The following ZFYVE1 variants were observed in gnomAD, a reference collection of about 807,000 sequenced individuals.
The protein encoded by ZFYVE1 is zinc finger FYVE domain-containing protein 1.
A neutral mutation model predicts 74.4 loss-of-function variants in ZFYVE1; 30 were observed. The ratio of observed to expected loss-of-function variants is 0.40; its 90% CI spans 0.30 to 0.55. ZFYVE1 has a LOEUF of 0.55. ZFYVE1 is among the 20% of genes least tolerant of loss of function. The pLI is 0.42. For synonymous variants in ZFYVE1, 335 were observed against 385.1 expected, an observed-to-expected ratio of 0.87 and a Z score of 1.52; for missense variants, 703 against 1,011.6, an observed-to-expected ratio of 0.69 and a Z score of 4.14.
At chr14:73,022,490 T>C (rs1304389278) in intron 2 of ZFYVE1, among the ~76,000 whole-genome samples, 1 of 152,152 alleles carries the variant, frequency 6.6e-6, no homozygotes, top group African/African-American at 2.4e-5. Context: ...TACAACAAAC[T>C]GGTACTGGAT....
At chr14:73,007,380 T>A (rs1443485989) in intron 2 of ZFYVE1, among the ~76,000 whole-genome samples, 1 of 152,052 alleles carries the variant, frequency 6.6e-6, no homozygotes, top group Admixed American at 6.6e-5. Flanking sequence ...ACTACAATCA[T>A]ACATTACTCC....
chr14:73,018,796 T>C lies in ZFYVE1; in HGVS notation c.483+5230A>G, dbSNP rs546493057. 4.6e-5 allele frequency among the ~76,000 whole-genome samples: 7 copies of C among 151,946 alleles called. No individual in the cohort carries two copies. In the East Asian group the frequency reaches 1.4e-3, roughly 30 times the overall value. On this transcript the variant is annotated intron_variant, in intron 2 of 11. Coordinates refer to ENST00000556143, the MANE Select transcript of ZFYVE1 (RefSeq NM_021260.4). The stretch of plus-strand genomic sequence containing the variant: ...ATCTCTACTAAAAATACAAAAAAAC[T>C]AGCCAGGCGTGGTGGCGCGCACCTG...
Position 72,998,306 on chromosome 14 carries a change from CATTT to C in ZFYVE1, c.489_492del (p.Asn164LysfsTer16). On this transcript the variant is annotated frameshift_variant, in exon 3 of 12. Transcript: ENST00000556143. LOFTEE classifies it high-confidence loss of function. ...TCCAATTTTCTAATAAAGTCTTCTT[CATTT>C]GTTACCTGCAAAAAAAAAAAAAAAG... The C allele has an allele frequency of 2.3e-6, 3 of 1,300,972 alleles. No individual in the cohort carries two copies. Among genetic ancestry groups the C allele is most frequent in the Non-Finnish European group, 3.0e-6 (3 of 987,196 alleles). The allele number at this position is 1,300,972 out of a possible 1,614,324, so 80.6% of individuals were successfully genotyped here. A position where few individuals can be genotyped will look rare whatever the true frequency, so the allele number is the denominator to read the frequency against.
intron 2 of ZFYVE1, among the ~76,000 whole-genome samples, chr14:73,000,326 G>A (rs986327135): frequency 1.3e-5 from 2 of 152,128 alleles, no homozygotes; most frequent in Non-Finnish European, 2.9e-5. Context: ...AAACGGCTGG[G>A]AGCAGTGGCT....
intron 2 of ZFYVE1, among the ~76,000 whole-genome samples, chr14:73,019,022 C>T (rs1013680859): frequency 1.3e-5 from 2 of 151,918 alleles, no homozygotes; most frequent in African/African-American, 4.8e-5. Flanking sequence ...GCTAGCAGGT[C>T]GAATGTGTCC....
chr14:73,003,539 C>T (rs1376444419), intron 2 of ZFYVE1, among the ~76,000 whole-genome samples: 2 of 152,082 alleles, frequency 1.3e-5, no homozygotes, highest in Non-Finnish European at 2.9e-5. Flanking sequence ...TAGCAAGACC[C>T]CAACTCTACA....
intron 2 of ZFYVE1, among the ~76,000 whole-genome samples, chr14:73,002,452 G>T (rs528632743): frequency 2.1e-3 from 203 of 98,868 alleles, no homozygotes; most frequent in African/African-American, 7.3e-3. Context: ...TTTTGGTTTT[G>T]TTTTTTTTGA....
At chr14:73,005,267 C>T (rs895310780) in intron 2 of ZFYVE1, among the ~76,000 whole-genome samples, 3 of 152,072 alleles carry the variant, frequency 2.0e-5, no homozygotes. Flanking sequence ...TAAGAAGATT[C>T]CCTTTGATGA....
At chr14:72,997,676 G>C in intron 3 of ZFYVE1, 135 bp downstream of exon 3, 1 of 1,214,856 alleles carries the variant, frequency 8.2e-7, no homozygotes, top group Middle Eastern at 2.2e-4. Flanking sequence ...CATCCTCCTT[G>C]AAACACTTTC....
intron 4 of ZFYVE1, among the ~76,000 whole-genome samples, chr14:72,992,385 CA>C (rs907057974): frequency 6.6e-6 from 1 of 152,176 alleles, no homozygotes; most frequent in Non-Finnish European, 1.5e-5. Context: ...TGCTGTCACT[CA>C]CCAACTGTGT....
intron 2 of ZFYVE1, among the ~76,000 whole-genome samples, chr14:73,015,829 C>G (rs868127904): frequency 1.3e-5 from 2 of 152,172 alleles, no homozygotes; most frequent in African/African-American, 4.8e-5. Flanking sequence ...TCTTGTTGGG[C>G]ACGGTGGCTC....
intron 3 of ZFYVE1, among the ~76,000 whole-genome samples, chr14:72,994,180 G>A (rs1296428767): frequency 6.0e-5 from 9 of 149,198 alleles, no homozygotes; most frequent in African/African-American, 2.5e-5. Flanking sequence ...AAAATTAGTC[G>A]GGCCTAGTGG....
intron 2 of ZFYVE1, among the ~76,000 whole-genome samples, chr14:73,012,064 A>G (rs1286589190): frequency 6.6e-6 from 1 of 151,610 alleles, no homozygotes; most frequent in Non-Finnish European, 1.5e-5. Flanking sequence ...AAAAATTAAA[A>G]AATAGCTGGA....
Position 72,970,536 on chromosome 14 carries a change from G to T in ZFYVE1, c.*346C>A. 1 of 289,192 alleles carries T rather than the reference G, an allele frequency of 3.5e-6. No individual in the cohort carries two copies. Among genetic ancestry groups the T allele is most frequent in the Non-Finnish European group, 6.6e-6 (1 of 151,354 alleles). 17.9% of individuals were successfully genotyped at this position (289,192 alleles called of 1,614,324 possible). A position where few individuals can be genotyped will look rare whatever the true frequency, so the allele number is the denominator to read the frequency against. On this transcript the variant is annotated 3_prime_UTR_variant, in exon 12 of 12. Coordinates refer to ENST00000556143, the MANE Select transcript of ZFYVE1 (RefSeq NM_021260.4). ...CCTCACCCTGTGCGGAGGAGACTGT[G>T]CGAAGTCTTCACAGCCAGCAGCAGC...
chr14:73,014,375 G>C (rs1361902572), intron 2 of ZFYVE1, among the ~76,000 whole-genome samples: 2 of 152,150 alleles, frequency 1.3e-5, no homozygotes, highest in Non-Finnish European at 2.9e-5. Flanking sequence ...CCTCAACCCT[G>C]TGTTTCCCAG....
chr14:72,972,898 C>CAAACACAT (rs1893071762), intron 11 of ZFYVE1, among the ~76,000 whole-genome samples: 2 of 151,908 alleles, frequency 1.3e-5, no homozygotes, highest in African/African-American at 4.8e-5. Flanking sequence ...TCAGTAGAGA[C>CAAACACAT]GGGTTTTCAC....
Position 72,972,731 on chromosome 14 carries a change from A to G in ZFYVE1, c.2101+1349T>C, listed in dbSNP as rs549247588. On this transcript the variant is annotated intron_variant, in intron 11 of 11. Transcript: ENST00000556143. ...CTTCTTTTTTTTTTTTTTTTGAGAC[A>G]GAGTCTCGCTCTGTTGCCCAGGCTG... Among the ~76,000 whole-genome samples the G allele has an allele frequency of 4.4e-3, 647 of 148,206 alleles. 3 individuals carry two copies. The highest frequency in any genetic ancestry group is 0.015 in the African/African-American group (616 of 40,096).
chr14:72,979,124 C>G (rs2140347293), intron 5 of ZFYVE1, 155 bp from the exon 6 acceptor site: 1 of 646,430 alleles, frequency 1.5e-6, no homozygotes, highest in East Asian at 2.7e-5. Context: ...AGCCGGAAAC[C>G]CACATGCCTC....
intron 3 of ZFYVE1, among the ~76,000 whole-genome samples, chr14:72,995,712 G>A (rs181501292): frequency 6.6e-6 from 1 of 152,270 alleles, no homozygotes; most frequent in East Asian, 1.9e-4. Flanking sequence ...TAATTAATCT[G>A]CTCCTTCACT....
Sources: allele counts gnomAD v4.1 joint callset (sites outside exome capture counted in the v4.1 genomes callset), GRCh38; gene constraint gnomAD v4.1.1; transcripts MANE v1.5; gene names NCBI Gene and HGNC (gene_info 2026-07-23, HGNC 2026-07-21).